SGIP1: variants seen among roughly 807,000 people sequenced by gnomAD.
The protein encoded by SGIP1 is SH3-containing GRB2-like protein 3-interacting protein 1.
SGIP1 carries 38 observed loss-of-function variants against 107.5 expected under a neutral mutation model. The observed-to-expected ratio is 0.35, with a 90% CI of 0.27 to 0.46. SGIP1 has a LOEUF of 0.46. Ranked by LOEUF, SGIP1 falls within the 20% of genes least tolerant of loss-of-function variation. The pLI is 1.00. For synonymous variants in SGIP1, 365 were observed against 366.1 expected, an observed-to-expected ratio of 1.00 and a Z score of 0.03; for missense variants, 929 against 1,019.5, an observed-to-expected ratio of 0.91 and a Z score of 1.21.
At chr1:66,616,144 A>T (rs994856238) in intron 1 of SGIP1, 1 of 152,194 alleles carries the variant, frequency 6.6e-6, no homozygotes, top group African/African-American at 2.4e-5. Flanking sequence ...CCCCACTTAT[A>T]TTTTATGATA....
intron 1 of SGIP1, among the ~76,000 whole-genome samples, chr1:66,610,756 G>T (rs955860998): frequency 3.3e-5 from 2 of 61,406 alleles, no homozygotes; most frequent in Non-Finnish European, 5.8e-5. Context: ...GATTATCCTG[G>T]GGTCAAATTT....
chr1:66,543,729 C>T (rs944730824), intron 1 of SGIP1, among the ~76,000 whole-genome samples: 5 of 152,096 alleles, frequency 3.3e-5, no homozygotes, highest in South Asian at 4.2e-4. Context: ...GGGACTATAC[C>T]GCCTCTGTGA....
At chr1:66,738,570 T>C (rs781351411) in intron 21 of SGIP1, among the ~76,000 whole-genome samples, 19 of 152,226 alleles carry the variant, frequency 1.2e-4, no homozygotes, top group Non-Finnish European at 2.5e-4. Context: ...CAAACCTGGC[T>C]TTTTCTTGGT....
chr1:66,741,333 G>A lies in SGIP1; in HGVS notation c.2361G>A (p.Leu787=), dbSNP rs376381645. The change falls in exon 24 of 25, where the codon TTG becomes TTA. Residue 787 remains leucine, a synonymous_variant. Transcript: ENST00000371037. ...LSEGPSKPSP[L]VVQFTSEGST... ...AAGGCCCAAGCAAACCTTCTCCATT[G>A]GTTGTGCAGTTCACAAGTGAAGGAA... 5.3e-5 allele frequency: 86 copies of A among 1,608,750 alleles called. No homozygotes were observed. Among genetic ancestry groups the A allele is most frequent in the Non-Finnish European group, 7.2e-5 (85 of 1,177,422 alleles).
At chr1:66,584,827 A>G (rs1452987602) in intron 1 of SGIP1, among the ~76,000 whole-genome samples, 1 of 152,176 alleles carries the variant, frequency 6.6e-6, no homozygotes, top group Non-Finnish European at 1.5e-5. Context: ...ATAGATGAAC[A>G]TGTGGGGATT....
rs145049813 is a variant in SGIP1 at position 66,611,325 on chromosome 1, C to A, written c.11-14522C>A. 2.8e-3 allele frequency among the ~76,000 whole-genome samples: 431 copies of A among 152,160 alleles called. 1 individual carries two copies. The highest frequency in any genetic ancestry group is 0.01 in the African/African-American group (417 of 41,500). ...GTAACATAAGTAGCAAATGGCAGAA[C>A]CAGTTAATTATGTGGGAGTAGAGCT... On this transcript the variant is annotated intron_variant, in intron 1 of 24. Coordinates refer to ENST00000371037, the MANE Select transcript of SGIP1 (RefSeq NM_032291.4).
At chr1:66,709,085 T>C (rs2150322725) in intron 18 of SGIP1, among the ~76,000 whole-genome samples, 1 of 152,186 alleles carries the variant, frequency 6.6e-6, no homozygotes, top group South Asian at 2.1e-4. Flanking sequence ...AGAACGTGCA[T>C]GTTTGTTACA....
chr1:66,653,403 T>C (rs1326365001), intron 7 of SGIP1, among the ~76,000 whole-genome samples: 1 of 152,148 alleles, frequency 6.6e-6, no homozygotes, highest in Non-Finnish European at 1.5e-5. Flanking sequence ...AAGAAATCCC[T>C]GAGCTGTATG....
chr1:66,646,540 G>A (rs1259895738), intron 7 of SGIP1, among the ~76,000 whole-genome samples: 2 of 152,078 alleles, frequency 1.3e-5, no homozygotes, highest in Non-Finnish European at 2.9e-5. Context: ...TTGTTAATAT[G>A]TATCCATGAA....
intron 18 of SGIP1, chr1:66,704,759 A>G (rs1024508750): frequency 1.3e-5 from 2 of 152,208 alleles, no homozygotes; most frequent in South Asian, 2.1e-4. Context: ...TGAAGAAAGT[A>G]TACTAGTGAT....
At chr1:66,661,559 G>A (rs11208940) in intron 8 of SGIP1, among the ~76,000 whole-genome samples, 77,880 of 151,968 alleles carry the variant, frequency 0.51, 20,879 homozygotes, top group East Asian at 0.87. Flanking sequence ...AAATAAAATA[G>A]GCAGCTACAA....
chr1:66,586,740 A>G (rs899641708), intron 1 of SGIP1, among the ~76,000 whole-genome samples: 8 of 152,126 alleles, frequency 5.3e-5, no homozygotes, highest in Non-Finnish European at 1.0e-4. Flanking sequence ...TGGAAAGCCT[A>G]TTATATTTAC....
At chr1:66,620,865 G>A (rs771968354) in intron 1 of SGIP1, among the ~76,000 whole-genome samples, 4 of 152,210 alleles carry the variant, frequency 2.6e-5, no homozygotes, top group East Asian at 3.8e-4. Context: ...CTAACAAACC[G>A]CCTTCACAGG....
At chr1:66,731,074 T>C (rs1345993673) in intron 20 of SGIP1, among the ~76,000 whole-genome samples, 1 of 152,208 alleles carries the variant, frequency 6.6e-6, no homozygotes, top group Non-Finnish European at 1.5e-5. Context: ...TGTCCCCTTG[T>C]TATTCTCTCT....
intron 1 of SGIP1, among the ~76,000 whole-genome samples, chr1:66,557,770 CT>C (rs1381122810): frequency 1.3e-5 from 2 of 152,120 alleles, no homozygotes; most frequent in African/African-American, 4.8e-5. Flanking sequence ...AAACAGTCTA[CT>C]TCTTGGCCTA....
chr1:66,736,253 A>G (rs2094233237), intron 21 of SGIP1, among the ~76,000 whole-genome samples: 1 of 138,584 alleles, frequency 7.2e-6, no homozygotes, highest in South Asian at 2.1e-4. Flanking sequence ...TTATACAAAT[A>G]TTTTAAATAT....
At chr1:66,652,831 A>G (rs1035296851) in intron 7 of SGIP1, among the ~76,000 whole-genome samples, 2 of 152,192 alleles carry the variant, frequency 1.3e-5, no homozygotes, top group Admixed American at 6.6e-5. Context: ...AGCAGTGCAC[A>G]GTGCAAGGAG....
intron 19 of SGIP1, among the ~76,000 whole-genome samples, chr1:66,726,357 G>A (rs2093757765): frequency 6.6e-6 from 1 of 152,148 alleles, no homozygotes; most frequent in African/African-American, 2.4e-5. Flanking sequence ...GGCAATGATT[G>A]ATTTTATATA....
At chr1:66,608,473 T>A (rs1177377622) in intron 1 of SGIP1, among the ~76,000 whole-genome samples, 1 of 152,240 alleles carries the variant, frequency 6.6e-6, no homozygotes, top group Non-Finnish European at 1.5e-5. Flanking sequence ...TTTTTGTAAC[T>A]ATTTTAAACC....
Sources: allele counts gnomAD v4.1 joint callset (sites outside exome capture counted in the v4.1 genomes callset), GRCh38; gene constraint gnomAD v4.1.1; transcripts MANE v1.5; gene names NCBI Gene and HGNC (gene_info 2026-07-23, HGNC 2026-07-21).